HDAC4: variants seen among roughly 807,000 people sequenced by gnomAD.
The protein encoded by HDAC4 is histone deacetylase A.
A neutral mutation model predicts 135.1 loss-of-function variants in HDAC4; 16 were observed. The ratio of observed to expected loss-of-function variants is 0.12; its 90% CI spans 0.08 to 0.18. HDAC4 has a LOEUF of 0.18. Among genes scored for constraint, HDAC4 ranks in the 10% least tolerant of loss-of-function variants. The pLI is 1.00. For missense variants in HDAC4, 1,143 were observed against 1,511.8 expected, an observed-to-expected ratio of 0.76 and a Z score of 4.05; for synonymous variants, 685 against 653.4, an observed-to-expected ratio of 1.05 and a Z score of -0.74.
chr2:239,284,240 C>T (rs1034517943), intron 2 of HDAC4, among the ~76,000 whole-genome samples: 12 of 152,332 alleles, frequency 7.9e-5, no homozygotes, highest in South Asian at 6.2e-4. Context: ...CCGACCACAG[C>T]GGAGCCGAGG....
intron 19 of HDAC4, among the ~76,000 whole-genome samples, chr2:239,086,629 T>C (rs2152707341): frequency 6.6e-6 from 1 of 152,376 alleles, no homozygotes; most frequent in Non-Finnish European, 1.5e-5. Context: ...CGTGGACGCC[T>C]GACTTCCCAG....
intron 4 of HDAC4, among the ~76,000 whole-genome samples, chr2:239,178,619 C>A (rs934710768): frequency 2.0e-5 from 3 of 152,174 alleles, no homozygotes; most frequent in Non-Finnish European, 2.9e-5. Flanking sequence ...CCTGGGCTCA[C>A]GTGATCCTCC....
At position 239,081,163 on chromosome 2, in the gene HDAC4, G is replaced by A. The variant is rs528950507; in HGVS notation, c.2682C>T (p.Asn894=). 37 of 1,613,922 alleles carry A rather than the reference G, an allele frequency of 2.3e-5. No individual in the cohort carries two copies. The East Asian group carries it at 5.8e-4, about 25-fold the overall frequency. ...EVGTGPGVGF[N]VNMAFTGGLD... Reference sequence around the variant, plus strand: ...GGCCGCCGGTGAAAGCCATGTTGACGTTGAAACCCACGCCGGGCCCTGTGC... The same window carrying A: ...GGCCGCCGGTGAAAGCCATGTTGACATTGAAACCCACGCCGGGCCCTGTGC... The change falls in exon 22 of 27, where the codon AAC becomes AAT. Residue 894 remains asparagine (N), a synonymous_variant. Transcript: ENST00000543185.
chr2:239,179,459 G>T (rs994792812), intron 4 of HDAC4, among the ~76,000 whole-genome samples: 10 of 152,158 alleles, frequency 6.6e-5, no homozygotes, highest in African/African-American at 2.4e-4. Context: ...CTGTGCGTGT[G>T]GGGGATTTAG....
chr2:239,235,202 C>CA (rs1206032306), intron 3 of HDAC4, among the ~76,000 whole-genome samples: 2 of 152,136 alleles, frequency 1.3e-5, no homozygotes, highest in African/African-American at 4.8e-5. Context: ...CGAACACCCC[C>CA]CAAGAGGCCA....
intron 16 of HDAC4, among the ~76,000 whole-genome samples, chr2:239,100,269 C>G (rs912132514): frequency 3.3e-5 from 5 of 152,236 alleles, no homozygotes; most frequent in Non-Finnish European, 5.9e-5. Flanking sequence ...GAGCTTTGGC[C>G]TTCTTCTCCA....
chr2:239,300,565 C>G (rs1347348301), intron 2 of HDAC4, among the ~76,000 whole-genome samples: 2 of 152,002 alleles, frequency 1.3e-5, no homozygotes, highest in African/African-American at 4.8e-5. Context: ...GTCTTTTCCT[C>G]TTTTTCCAAA....
chr2:239,374,370 T>A (rs1328135811), intron 1 of HDAC4, among the ~76,000 whole-genome samples: 1 of 132,196 alleles, frequency 7.6e-6, no homozygotes, highest in Non-Finnish European at 1.6e-5. Flanking sequence ...CCACCCCAGA[T>A]GAATAGAAAA....
chr2:239,189,460 G>A (rs1006535346), intron 4 of HDAC4, among the ~76,000 whole-genome samples: 2 of 152,172 alleles, frequency 1.3e-5, no homozygotes, highest in Admixed American at 6.5e-5. Flanking sequence ...CTAAGGAAAA[G>A]AAAACACAGA....
intron 24 of HDAC4, among the ~76,000 whole-genome samples, chr2:239,055,961 T>C (rs2031776404): frequency 6.6e-6 from 1 of 152,160 alleles, no homozygotes; most frequent in Non-Finnish European, 1.5e-5. Context: ...CACGACGACG[T>C]GTCAAACAGA....
chr2:239,067,194 C>A (rs2033619039), intron 23 of HDAC4, among the ~76,000 whole-genome samples: 2 of 152,212 alleles, frequency 1.3e-5, no homozygotes, highest in African/African-American at 4.8e-5. Context: ...TGGCCGTGGC[C>A]CAGCGGGCTC....
At chr2:239,168,639 C>A (rs368914098) in intron 5 of HDAC4, among the ~76,000 whole-genome samples, 1 of 152,186 alleles carries the variant, frequency 6.6e-6, no homozygotes, top group South Asian at 2.1e-4. Flanking sequence ...TGCTTCGTGT[C>A]CCCCGCGCCG....
Position 239,167,360 on chromosome 2 carries a change from C to T in HDAC4, c.491-3437G>A, listed in dbSNP as rs537046868. 6.6e-6 allele frequency among the ~76,000 whole-genome samples: 1 copy of T among 152,194 alleles called. No homozygotes were observed. The highest frequency in any genetic ancestry group is 1.5e-5 in the Non-Finnish European group (1 of 68,024). ...GGGTGACTTGGCCACAAGCCTGGGT[C>T]CTGCCTGGCTCCCTCTATGCAGGGC... On this transcript the variant is annotated intron_variant, in intron 5 of 26. Coordinates refer to ENST00000543185, the MANE Select transcript of HDAC4 (RefSeq NM_001378414.1). This position sits in a 1 kb window ranked among gnomAD's most constrained non-coding sequence, Gnocchi z 4.1.
chr2:239,068,569 T>C lies in HDAC4; in HGVS notation c.2789A>G (p.Asp930Gly). The C allele has an allele frequency of 1.2e-6, 2 of 1,613,828 alleles. No homozygotes were observed. Among genetic ancestry groups the C allele is most frequent in the Non-Finnish European group, 1.7e-6 (2 of 1,179,984 alleles). ...VMPIASEFAPDVVLVSSGFDA... is the reference protein window; with the variant it reads ...VMPIASEFAPGVVLVSSGFDA... Reference sequence around the variant, plus strand: ...GAAGCCTGATGACACCAGCACCACATCCGGGGCAAACTCGCTGGCGATCGG... The same window carrying C: ...GAAGCCTGATGACACCAGCACCACACCCGGGGCAAACTCGCTGGCGATCGG... Residue 930 changes from aspartate to glycine, a missense_variant, in exon 23 of 27, where the codon GAT becomes GGT. Transcript: ENST00000543185. The surrounding 1 kb of genome is among the most constrained non-coding windows in gnomAD (Gnocchi z 4.4).
intron 3 of HDAC4, among the ~76,000 whole-genome samples, chr2:239,229,781 T>C (rs1344183811): frequency 1.3e-5 from 2 of 152,130 alleles, no homozygotes; most frequent in African/African-American, 4.8e-5. Context: ...ATTCTCGTTA[T>C]GTGGATGAGG....
intron 16 of HDAC4, among the ~76,000 whole-genome samples, chr2:239,100,360 G>A (rs2037499683): frequency 6.6e-6 from 1 of 152,234 alleles, no homozygotes; most frequent in Admixed American, 6.5e-5. Flanking sequence ...CTTCCAGTCT[G>A]AGGAGGATTT....
chr2:239,067,044 G>C (rs1300256658), intron 23 of HDAC4, 189 bp from the exon 24 acceptor site: 1 of 687,298 alleles, frequency 1.5e-6, no homozygotes, highest in Non-Finnish European at 2.5e-6. Context: ...ATCTGTTTGA[G>C]AGGAGGAATT....
chr2:239,387,209 G>T (rs1294152614), intron 1 of HDAC4, among the ~76,000 whole-genome samples: 2 of 152,166 alleles, frequency 1.3e-5, no homozygotes, highest in African/African-American at 4.8e-5. Flanking sequence ...AGAGAAGAGG[G>T]GACTGCTCAC....
Position 239,056,140 on chromosome 2 carries a change from C to T in HDAC4, c.3004-1307G>A, listed in dbSNP as rs553615856. ...CCAGGCAGAAACCACAGCAGGGCCT[C>T]TTTGGAGGCACACATACCCACAGCA... On this transcript the variant is annotated intron_variant, in intron 24 of 26. Coordinates refer to ENST00000543185, the MANE Select transcript of HDAC4 (RefSeq NM_001378414.1). 2.8e-4 allele frequency among the ~76,000 whole-genome samples: 43 copies of T among 152,338 alleles called. 1 individual carries two copies. The East Asian group carries it at 6.8e-3, about 24-fold the overall frequency.
Sources: gnomAD v4.1 joint callset for allele counts (sites outside exome capture counted in the v4.1 genomes callset) on GRCh38, gnomAD v4.1.1 for gene constraint, Gnocchi (gnomAD v3.1) non-coding constraint, MANE v1.5 for transcripts, NCBI Gene and HGNC (gene_info 2026-07-23, HGNC 2026-07-21) for gene names.